Variants in GTF3C3 observed in about 807,000 individuals in gnomAD.
GTF3C3 encodes the protein general transcription factor 3C polypeptide 3.
A neutral mutation model predicts 105.2 loss-of-function variants in GTF3C3; 75 were observed. That is an observed-to-expected ratio of 0.71 (90% confidence interval 0.59 to 0.86). The LOEUF (loss-of-function observed/expected upper bound fraction) is 0.86, where lower values mean the gene tolerates loss of function less well. GTF3C3 is among the 40% of genes least tolerant of loss of function. The pLI is 0.00. For missense variants in GTF3C3, 856 were observed against 1,076.5 expected (o/e 0.80, Z 2.87); for synonymous variants, 335 against 370.4 (o/e 0.90, Z 1.10).
intron 9 of GTF3C3, 146 bp from the exon 10 acceptor site, chr2:196,779,213 T>C (rs2125743951): frequency 4.7e-6 from 3 of 637,760 alleles, no homozygotes; most frequent in Non-Finnish European, 8.1e-6. Flanking sequence ...CTGCAACCTC[T>C]GCTTGCTGGG....
At chr2:196,798,190 AAT>A (rs1363221742) in intron 1 of GTF3C3, among the ~76,000 whole-genome samples, 2 of 152,166 alleles carry the variant, frequency 1.3e-5, no homozygotes, top group African/African-American at 4.8e-5. Context: ...AAATAAATAA[AAT>A]ATCTTAATAA....
rs1699451821 is a variant in GTF3C3, at chr2:196,786,319, G to A, written c.894-731C>T. Among the ~76,000 whole-genome samples, 2 of 152,062 alleles carry A rather than the reference G, an allele frequency of 1.3e-5. No homozygotes were observed. The highest frequency in any genetic ancestry group is 6.6e-5 in the Admixed American group (1 of 15,258). ...GTGATACAAATACTGCCAGTCTGTG[G>A]GGCAGTAATGTCCTAGACAACTATT... On this transcript the variant is annotated intron_variant, in intron 6 of 17. Transcript: ENST00000263956. The surrounding 1 kb of genome is among the most constrained non-coding windows in gnomAD (Gnocchi z 4.2).
intron 9 of GTF3C3, chr2:196,780,321 C>G (rs1699325892): frequency 3.6e-6 from 4 of 1,106,526 alleles, no homozygotes; most frequent in Admixed American, 7.6e-5. Context: ...TAAAGACAAT[C>G]TCAAATTATG....
In GTF3C3 at chr2:196,780,511, A is replaced by G. The variant is rs1014338027; in HGVS notation, c.1218+48T>C. Reference sequence around the variant, plus strand: ...ATTTCTTGACATCTAAAGAAAAGAGATGGTGCATTTGATCTGAAGTATCTC... The same window carrying G: ...ATTTCTTGACATCTAAAGAAAAGAGGTGGTGCATTTGATCTGAAGTATCTC... On this transcript the variant is annotated intron_variant, in intron 9 of 17. Coordinates refer to ENST00000263956, the MANE Select transcript of GTF3C3 (RefSeq NM_012086.5). 13 of 1,583,212 alleles carry G rather than the reference A, an allele frequency of 8.2e-6. No homozygotes were observed. The Middle Eastern group carries it at 1.2e-3, about 144-fold the overall frequency.
chr2:196,776,140 C>A lies in GTF3C3; in HGVS notation c.1594-29G>T. On this transcript the variant is annotated intron_variant, in intron 11 of 17. Transcript: ENST00000263956. This position sits in a 1 kb window ranked among gnomAD's most constrained non-coding sequence, Gnocchi z 4.5. ...AACAAATAAGCACATGATGATGAGC[C>A]TAACAAGATTCCTTTTCTACAAATT... The A allele has an allele frequency of 8.9e-7, 1 of 1,120,880 alleles. No homozygotes were observed. Among genetic ancestry groups the A allele is most frequent in the Non-Finnish European group, 1.3e-6 (1 of 762,910 alleles). The allele number at this position is 1,120,880 out of a possible 1,614,324, so 69.4% of individuals were successfully genotyped here. A position where few individuals can be genotyped will look rare whatever the true frequency, so the allele number is the denominator to read the frequency against.
At chr2:196,783,557 C>CTTAT (rs1699403797) in intron 8 of GTF3C3, among the ~76,000 whole-genome samples, 1 of 152,148 alleles carries the variant, frequency 6.6e-6, no homozygotes, top group African/African-American at 2.4e-5. Context: ...ACAATTTCTA[C>CTTAT]TCCTTATTCT....
At position 196,764,624 on chromosome 2, in the gene GTF3C3, T is replaced by C. The variant is rs745862292; in HGVS notation, c.2600A>G (p.Tyr867Cys). The change falls in exon 18 of 18, where the codon TAT becomes TGT. Residue 867 changes from tyrosine to cysteine, a missense_variant. Around this residue, in one of 3 missense-constraint regions of GTF3C3, gnomAD observed 134 missense variants for 128.9 expected, o/e 1.04. Coordinates refer to ENST00000263956, the MANE Select transcript of GTF3C3 (RefSeq NM_012086.5). ...CATTCCGGTATTCCCACTGCTCTGATAGATGAGAGACAAGTTGTAGGCAAT... is the reference window on the plus strand; with the variant it reads ...CATTCCGGTATTCCCACTGCTCTGACAGATGAGAGACAAGTTGTAGGCAAT... Reference protein sequence around the residue: ...RDIAYNLSLIYQSSGNTGMAQ... With the variant: ...RDIAYNLSLICQSSGNTGMAQ... 4.3e-6 allele frequency: 7 copies of C among 1,612,916 alleles called. No homozygotes were observed. Among genetic ancestry groups the C allele is most frequent in the South Asian group, 2.2e-5 (2 of 91,048 alleles).
chr2:196,773,783 G>A (rs150662111), intron 13 of GTF3C3: 12 of 314,020 alleles, frequency 3.8e-5, no homozygotes, highest in African/African-American at 2.2e-4. Flanking sequence ...CATAAGGAGC[G>A]TGCAACCTAG....
Position 196,797,914 on chromosome 2 carries a change from A to G in GTF3C3, c.103-6T>C. 1.4e-6 allele frequency: 2 copies of G among 1,463,352 alleles called. No individual in the cohort carries two copies. The highest frequency in any genetic ancestry group is 1.9e-6 in the Non-Finnish European group (2 of 1,042,450). 90.6% of individuals were successfully genotyped at this position (1,463,352 alleles called of 1,614,324 possible). ...TTGCCTTTTTCCTGAAGACTCTGTG[A>G]TTGCAAATTAATTAATGATTCCAAA... On this transcript the variant is annotated splice_region_variant and splice_polypyrimidine_tract_variant and intron_variant, in intron 1 of 17. Transcript: ENST00000263956.
intron 6 of GTF3C3, among the ~76,000 whole-genome samples, chr2:196,787,822 T>C (rs1165763905): frequency 6.6e-5 from 10 of 152,164 alleles, no homozygotes; most frequent in Non-Finnish European, 1.5e-4. Context: ...GTCTCCTGTA[T>C]AGTACCTAGT....
chr2:196,790,076 A>C lies in GTF3C3; in HGVS notation c.536-6T>G. On this transcript the variant is annotated splice_polypyrimidine_tract_variant and splice_region_variant and intron_variant, in intron 4 of 17. Transcript: ENST00000263956. ...TGGCTCATAAGCCAGAGGAGCTATA[A>C]CAAATTAAAAAAATAAATTCCATTG... is the stretch of plus-strand genomic sequence containing the variant. 1 of 1,577,836 alleles carries C rather than the reference A, an allele frequency of 6.3e-7. No individual in the cohort carries two copies. Among genetic ancestry groups the C allele is most frequent in the East Asian group, 2.3e-5 (1 of 44,256 alleles).
At chr2:196,775,058 A>T in intron 13 of GTF3C3, 58 bp downstream of exon 13, 1 of 1,304,976 alleles carries the variant, frequency 7.7e-7, no homozygotes, top group East Asian at 2.3e-5. Context: ...GTGTTACTTC[A>T]TGAGTCTTTT....
At position 196,780,518 on chromosome 2, in the gene GTF3C3, A is replaced by G. The variant is rs775409788; in HGVS notation, c.1218+41T>C. 12 of 1,590,578 alleles carry G rather than the reference A, an allele frequency of 7.5e-6. No homozygotes were observed. In the South Asian group the frequency reaches 1.4e-4, roughly 18 times the overall value. On this transcript the variant is annotated intron_variant, in intron 9 of 17. Coordinates refer to ENST00000263956, the MANE Select transcript of GTF3C3 (RefSeq NM_012086.5). ...GACATCTAAAGAAAAGAGATGGTGCATTTGATCTGAAGTATCTCAAGTGCA... is the reference window on the plus strand; with the variant it reads ...GACATCTAAAGAAAAGAGATGGTGCGTTTGATCTGAAGTATCTCAAGTGCA...
At chr2:196,772,823 A>G in intron 14 of GTF3C3, 93 bp downstream of exon 14, 5 of 677,612 alleles carry the variant, frequency 7.4e-6, no homozygotes, top group Non-Finnish European at 1.3e-5. Flanking sequence ...TTATTGTTTA[A>G]TGGGAGAGCC....
chr2:196,785,406 CAAAACTTAACAGAGAAACACA>C lies in GTF3C3; in HGVS notation c.1041+14_1041+34del. The C allele has an allele frequency of 7.8e-7, 1 of 1,290,134 alleles. No individual in the cohort carries two copies. Among genetic ancestry groups the C allele is most frequent in the Non-Finnish European group, 1.0e-6 (1 of 977,500 alleles). The allele number at this position is 1,290,134 out of a possible 1,614,324, so 79.9% of individuals were successfully genotyped here. On this transcript the variant is annotated intron_variant, in intron 7 of 17. Coordinates refer to ENST00000263956, the MANE Select transcript of GTF3C3 (RefSeq NM_012086.5). The stretch of plus-strand genomic sequence containing the variant: ...AATTTCCAGAACACAGAAACACATG[CAAAACTTAACAGAGAAACACA>C]TAAGCATTCCTACCTCCAAAGCTTT...
At chr2:196,796,011 A>G (rs759129982) in intron 2 of GTF3C3, among the ~76,000 whole-genome samples, 3 of 152,254 alleles carry the variant, frequency 2.0e-5, no homozygotes, top group Non-Finnish European at 4.4e-5. Flanking sequence ...AGATGATCCT[A>G]TCTTCAGTGT....
intron 14 of GTF3C3, 92 bp downstream of exon 14, chr2:196,772,824 T>C (rs1699198334): frequency 1.5e-6 from 1 of 680,386 alleles, no homozygotes; most frequent in South Asian, 2.1e-5. Context: ...TATTGTTTAA[T>C]GGGAGAGCCA....
chr2:196,782,810 A>C (rs1388702216), intron 8 of GTF3C3, among the ~76,000 whole-genome samples: 1 of 152,214 alleles, frequency 6.6e-6, no homozygotes, highest in African/African-American at 2.4e-5. Flanking sequence ...ATTGAGAGTA[A>C]GTATTTAGAT....
chr2:196,784,397 C>A (rs1484691816), intron 8 of GTF3C3, among the ~76,000 whole-genome samples: 2 of 152,158 alleles, frequency 1.3e-5, no homozygotes, highest in Non-Finnish European at 2.9e-5. Context: ...GTATAACTTT[C>A]TAACCAGATC....
Sources: allele counts gnomAD v4.1 joint callset (sites outside exome capture counted in the v4.1 genomes callset), GRCh38; gene constraint gnomAD v4.1.1; regional missense constraint gnomAD v4.1.1; non-coding constraint Gnocchi (gnomAD v3.1); transcripts MANE v1.5; gene names NCBI Gene and HGNC (gene_info 2026-07-23, HGNC 2026-07-21).